RNF130: variants seen among roughly 807,000 people sequenced by gnomAD.
RNF130 encodes E3 ubiquitin-protein ligase RNF130.
A neutral mutation model predicts 44.6 loss-of-function variants in RNF130; 21 were observed. That is an observed-to-expected ratio of 0.47 (90% CI 0.33 to 0.68). The LOEUF (loss-of-function observed/expected upper bound fraction) is 0.68, where lower values mean the gene tolerates loss of function less well. Among genes scored for constraint, RNF130 ranks in the 30% least tolerant of loss-of-function variants. The probability of loss-of-function intolerance (pLI) is 0.02; values close to 1 mark genes in which losing one functional copy is unlikely to be tolerated. For missense variants in RNF130, 479 were observed against 560.6 expected (o/e 0.85, Z 1.47); for synonymous variants, 214 against 210.4 (o/e 1.02, Z -0.15).
intron 3 of RNF130, among the ~76,000 whole-genome samples, chr5:180,009,499 A>G (rs6869349): frequency 0.2 from 30,659 of 152,232 alleles, 3,312 homozygotes; most frequent in Middle Eastern, 0.25. Context: ...AAAAATGTCT[A>G]ATTAGAGAAA....
intron 3 of RNF130, among the ~76,000 whole-genome samples, chr5:179,995,054 T>C (rs1214345172): frequency 6.6e-6 from 1 of 152,172 alleles, no homozygotes; most frequent in Non-Finnish European, 1.5e-5. Context: ...GCAGAAGCAC[T>C]GGCTCTGACA....
At chr5:179,946,229 G>A (rs1195232494) in intron 7 of RNF130, among the ~76,000 whole-genome samples, 2 of 152,194 alleles carry the variant, frequency 1.3e-5, no homozygotes, top group East Asian at 1.9e-4. Flanking sequence ...GCATTCGTGC[G>A]TCCGAATTCT....
intron 2 of RNF130, among the ~76,000 whole-genome samples, chr5:180,019,141 T>C (rs1309825095): frequency 2.0e-5 from 3 of 152,104 alleles, no homozygotes; most frequent in African/African-American, 7.2e-5. Context: ...TCCCAGCACT[T>C]TGGGAGGCTG....
intron 6 of RNF130, among the ~76,000 whole-genome samples, chr5:179,967,624 C>T (rs927508747): frequency 2.6e-5 from 4 of 151,782 alleles, no homozygotes; most frequent in Non-Finnish European, 2.9e-5. Context: ...AAAAAGTGAG[C>T]ACCAAAAGTC....
chr5:179,977,809 G>A lies in RNF130; in HGVS notation c.848+394C>T, dbSNP rs768248805. Among the ~76,000 whole-genome samples the A allele has an allele frequency of 1.2e-4, 18 of 152,248 alleles. No homozygotes were observed. Among genetic ancestry groups the A allele is most frequent in the Non-Finnish European group, 1.9e-4 (13 of 68,016 alleles). The stretch of plus-strand genomic sequence containing the variant: ...GGAGCTTGCAGTGAGCCGAGATTGC[G>A]CCACTGCACACTCCAGCCTGGGGTG... On this transcript the variant is annotated intron_variant, in intron 5 of 8. Coordinates refer to ENST00000521389, the MANE Select transcript of RNF130 (RefSeq NM_018434.6). The surrounding 1 kb of genome is among the most constrained non-coding windows in gnomAD (Gnocchi z 4.1).
At chr5:179,953,889 C>A (rs897077039), downstream of RNF130, among the ~76,000 whole-genome samples, 2 of 152,060 alleles carry the variant, frequency 1.3e-5, no homozygotes, top group Non-Finnish European at 2.9e-5. Flanking sequence ...CTAGAACATA[C>A]AAAGAACTCT....
chr5:179,948,789 G>A (rs1286709796), intron 7 of RNF130, among the ~76,000 whole-genome samples: 1 of 152,092 alleles, frequency 6.6e-6, no homozygotes, highest in Non-Finnish European at 1.5e-5. Context: ...TATTTTTAAA[G>A]TCTAAAGTGA....
chr5:180,040,739 G>T, intron 1 of RNF130, 92 bp from the exon 2 acceptor site: 1 of 1,185,808 alleles, frequency 8.4e-7, no homozygotes, highest in Non-Finnish European at 1.2e-6. Context: ...ACCACACAGA[G>T]CTAAAGCACG....
At chr5:180,018,427 A>T (rs1385306300) in intron 2 of RNF130, among the ~76,000 whole-genome samples, 1 of 152,182 alleles carries the variant, frequency 6.6e-6, no homozygotes, top group Non-Finnish European at 1.5e-5. Flanking sequence ...AGCAGGAGAG[A>T]GAACGAGTGC....
intron 3 of RNF130, among the ~76,000 whole-genome samples, chr5:179,991,584 TGTC>T (rs1445607215): frequency 6.6e-6 from 1 of 152,144 alleles, no homozygotes; most frequent in Admixed American, 6.5e-5. Context: ...CCAAAACACT[TGTC>T]GTCAAGTTGT....
chr5:180,071,620 T>A lies in RNF130; in HGVS notation c.83A>T (p.Asp28Val). The A allele has an allele frequency of 6.6e-7, 1 of 1,504,504 alleles. No homozygotes were observed. The highest frequency in any genetic ancestry group is 8.9e-7 in the Non-Finnish European group (1 of 1,125,686). 93.2% of individuals were successfully genotyped at this position (1,504,504 alleles called of 1,614,324 possible). Residue 28 changes from aspartate to valine, a missense_variant, in exon 1 of 9, where the codon GAC becomes GTC. Asp to Val is a radical substitution (Grantham distance 152). This residue lies in a region of RNF130 where 138 missense variants were observed against 126.9 expected (regional missense o/e 1.09). Coordinates refer to ENST00000521389, the MANE Select transcript of RNF130 (RefSeq NM_018434.6). ...CGTGTAGTACTCCTGGCTCGCGTTG[T>A]CTGCCCGTGCCGGCCACAGGCTGCA... ...LTCSLWPARA[D>V]NASQEYYTAL...
At chr5:179,913,905 T>C (rs1021020215) in exon 8 of RNF130, 3 of 152,132 alleles carry the variant, frequency 2.0e-5, no homozygotes, top group Admixed American at 2.0e-4. Flanking sequence ...GGCTCACGCT[T>C]TGCTTTCCCT....
intron 3 of RNF130, among the ~76,000 whole-genome samples, chr5:179,991,308 C>T (rs914195391): frequency 1.3e-5 from 2 of 152,294 alleles, no homozygotes; most frequent in African/African-American, 4.8e-5. Context: ...AATCTGATGA[C>T]TATATGTCAT....
At chr5:179,922,101 A>C (rs1176368266) in intron 7 of RNF130, among the ~76,000 whole-genome samples, 1 of 151,762 alleles carries the variant, frequency 6.6e-6, no homozygotes, top group Non-Finnish European at 1.5e-5. Flanking sequence ...TTTCATACTC[A>C]CAAACACTTG....
At chr5:180,033,726 A>G in intron 2 of RNF130, among the ~76,000 whole-genome samples, 1 of 152,128 alleles carries the variant, frequency 6.6e-6, no homozygotes, top group African/African-American at 2.4e-5. Flanking sequence ...AGAGAGAAAT[A>G]CAATTGGTTT....
chr5:179,937,174 G>GTATCATCAAAACGAAA (rs1192150669), intron 7 of RNF130, among the ~76,000 whole-genome samples: 3 of 135,270 alleles, frequency 2.2e-5, no homozygotes, highest in East Asian at 4.7e-4. Flanking sequence ...TCAAAACGAA[G>GTATCATCAAAACGAAA]TATCATCAAA....
At chr5:180,054,943 T>C (rs1158542273) in intron 1 of RNF130, among the ~76,000 whole-genome samples, 2 of 152,230 alleles carry the variant, frequency 1.3e-5, no homozygotes, top group Non-Finnish European at 2.9e-5. Context: ...TACTGGCATA[T>C]AGAACTACAA....
At chr5:179,935,939 G>A (rs1488397352) in intron 7 of RNF130, among the ~76,000 whole-genome samples, 4 of 152,064 alleles carry the variant, frequency 2.6e-5, no homozygotes, top group East Asian at 1.9e-4. Context: ...GATGTCAAGC[G>A]GTCTCCACAA....
chr5:180,019,200 C>T (rs1763814871), intron 2 of RNF130, among the ~76,000 whole-genome samples: 2 of 151,374 alleles, frequency 1.3e-5, no homozygotes, highest in Admixed American at 6.6e-5. Context: ...CTGACTAACA[C>T]GGTGAAACCC....
Sources: allele counts gnomAD v4.1 joint callset (sites outside exome capture counted in the v4.1 genomes callset), GRCh38; gene constraint gnomAD v4.1.1; regional missense constraint gnomAD v4.1.1; non-coding constraint Gnocchi (gnomAD v3.1); transcripts MANE v1.5; gene names NCBI Gene and HGNC (gene_info 2026-07-23, HGNC 2026-07-21).